Variants in SCHIP1 observed in about 807,000 individuals in gnomAD.
SCHIP1 encodes schwannomin-interacting protein 1.
In SCHIP1, 8 loss-of-function variants were observed where a neutral mutation model predicts 29.7. That is an observed-to-expected ratio of 0.27 (90% CI 0.16 to 0.49). The LOEUF is 0.49. SCHIP1 is among the 20% of genes least tolerant of loss of function. The pLI, the probability that SCHIP1 is intolerant of heterozygous loss-of-function variation, is 0.99. For synonymous variants in SCHIP1, 76 were observed against 94.9 expected, an observed-to-expected ratio of 0.80 and a Z score of 1.16; for missense variants, 193 against 294.6, an observed-to-expected ratio of 0.66 and a Z score of 2.52.
chr3:159,276,717 A>G, the SCHIP1 span, among the ~76,000 whole-genome samples: 1 of 152,192 alleles, frequency 6.6e-6, no homozygotes, highest in Non-Finnish European at 1.5e-5. Flanking sequence ...CATGCAAGAT[A>G]TACACATTGC....
At chr3:159,448,445 T>C in the SCHIP1 span, among the ~76,000 whole-genome samples, 1 of 152,116 alleles carries the variant, frequency 6.6e-6, no homozygotes, top group Non-Finnish European at 1.5e-5. Flanking sequence ...CACTCCAGAA[T>C]GGCGGCAGAG....
At chr3:159,527,023 C>T in the SCHIP1 span, among the ~76,000 whole-genome samples, 5 of 152,330 alleles carry the variant, frequency 3.3e-5, no homozygotes, top group Middle Eastern at 3.4e-3. Flanking sequence ...TTATGACATA[C>T]ACACAGTCAT....
At chr3:159,660,372 C>T in the SCHIP1 span, among the ~76,000 whole-genome samples, 2 of 152,134 alleles carry the variant, frequency 1.3e-5, no homozygotes, top group Non-Finnish European at 2.9e-5. Context: ...CTTTTAAAAG[C>T]ATAGCTATAG....
the SCHIP1 span, among the ~76,000 whole-genome samples, chr3:159,503,356 G>T: frequency 2.0e-5 from 3 of 152,136 alleles, no homozygotes; most frequent in African/African-American, 7.2e-5. Context: ...AATAGTCTGT[G>T]TTTTCCTTTC....
the SCHIP1 span, among the ~76,000 whole-genome samples, chr3:159,626,137 G>GAT: frequency 9.3e-5 from 8 of 85,928 alleles, no homozygotes; most frequent in Admixed American, 6.3e-4. Context: ...TAGATAGATA[G>GAT]ATATATCTAG....
chr3:159,765,108 C>T, the SCHIP1 span: 2 of 1,570,248 alleles, frequency 1.3e-6, no homozygotes, highest in East Asian at 2.3e-5. Flanking sequence ...AGGTACGGAA[C>T]CAGGGCCAGG....
the SCHIP1 span, among the ~76,000 whole-genome samples, chr3:159,528,755 G>A: frequency 6.6e-6 from 1 of 152,166 alleles, no homozygotes; most frequent in East Asian, 1.9e-4. Context: ...CAAAAGGATG[G>A]ATCACTGCAG....
At chr3:159,601,186 G>T in the SCHIP1 span, among the ~76,000 whole-genome samples, 1 of 152,172 alleles carries the variant, frequency 6.6e-6, no homozygotes, top group Admixed American at 6.5e-5. Flanking sequence ...CCAGCAGTGG[G>T]CCCACTTGGG....
chr3:159,382,190 G>C, the SCHIP1 span, among the ~76,000 whole-genome samples: 16 of 150,442 alleles, frequency 1.1e-4, no homozygotes, highest in African/African-American at 3.9e-4. Flanking sequence ...CATGTGCCAT[G>C]CTGGTGTGCT....
At chr3:159,840,390 A>G (rs1441464110) in intron 1 of SCHIP1, among the ~76,000 whole-genome samples, 1 of 152,240 alleles carries the variant, frequency 6.6e-6, no homozygotes. Context: ...GTAATGGGGC[A>G]GAAAACACTG....
chr3:159,487,295 T>C, the SCHIP1 span, among the ~76,000 whole-genome samples: 1 of 152,294 alleles, frequency 6.6e-6, no homozygotes, highest in South Asian at 2.1e-4. Flanking sequence ...TCGTCTTCAT[T>C]TTTCTATGGT....
chr3:159,382,269 C>T, the SCHIP1 span, among the ~76,000 whole-genome samples: 4 of 150,410 alleles, frequency 2.7e-5, no homozygotes, highest in Admixed American at 2.7e-4. Context: ...CACCCCACCC[C>T]ACAACAGTCC....
chr3:159,878,265 G>A (rs914376920), intron 2 of SCHIP1, among the ~76,000 whole-genome samples: 1 of 151,140 alleles, frequency 6.6e-6, no homozygotes, highest in Non-Finnish European at 1.5e-5. Flanking sequence ...ATCACATGAG[G>A]TCAGTAGTTC....
At chr3:159,274,462 A>G in the SCHIP1 span, 34 of 754,022 alleles carry the variant, frequency 4.5e-5, no homozygotes, top group African/African-American at 4.6e-4. Context: ...AGACAATTTT[A>G]TAAAATTATA....
the SCHIP1 span, among the ~76,000 whole-genome samples, chr3:159,587,590 G>A: frequency 6.6e-6 from 1 of 152,066 alleles, no homozygotes; most frequent in African/African-American, 2.4e-5. Context: ...ATTTACATTA[G>A]GTATATCTCC....
At chr3:159,839,932 A>T (rs1744057797) in exon 1 of SCHIP1, 1 of 1,407,728 alleles carries the variant, frequency 7.1e-7, no homozygotes, top group African/African-American at 1.5e-5. Context: ...GCCCGGTCCC[A>T]GCTCCATGTT....
the SCHIP1 span, among the ~76,000 whole-genome samples, chr3:159,683,591 T>C: frequency 6.6e-6 from 1 of 152,198 alleles, no homozygotes. Context: ...GTCTTTCCAA[T>C]GCCATCTCAC....
intron 2 of SCHIP1, among the ~76,000 whole-genome samples, chr3:159,882,509 C>T (rs1332900003): frequency 6.6e-6 from 1 of 152,180 alleles, no homozygotes; most frequent in Non-Finnish European, 1.5e-5. Flanking sequence ...CCAGCCCAAT[C>T]CCGGTCACTA....
chr3:159,764,672 GGGA>G, the SCHIP1 span: 6 of 1,590,972 alleles, frequency 3.8e-6, no homozygotes, highest in East Asian at 1.1e-4. This position sits in a 1 kb window ranked among gnomAD's most constrained non-coding sequence, Gnocchi z 6.1. Flanking sequence ...GAGGAGGACG[GGGA>G]GGAGGAGGAA....
Sources: allele counts gnomAD v4.1 joint callset (sites outside exome capture counted in the v4.1 genomes callset), GRCh38; gene constraint gnomAD v4.1.1; non-coding constraint Gnocchi (gnomAD v3.1); transcripts MANE v1.5; gene names NCBI Gene and HGNC (gene_info 2026-07-23, HGNC 2026-07-21).